Variants in CDH26 observed in about 807,000 individuals in gnomAD.
The protein encoded by CDH26 is cadherin-like protein 26.
A neutral mutation model predicts 90.3 loss-of-function variants in CDH26; 83 were observed. The observed-to-expected ratio is 0.92, with a 90% CI of 0.77 to 1.10. The LOEUF (loss-of-function observed/expected upper bound fraction) is 1.10, where lower values mean the gene tolerates loss of function less well. CDH26 is among the 50% of genes least tolerant of loss of function. CDH26 has a pLI of 0.00. For missense variants in CDH26, 1,013 were observed against 1,037.6 expected (o/e 0.98, Z 0.33); for synonymous variants, 397 against 396.3 (o/e 1.00, Z -0.02).
intron 4 of CDH26, among the ~76,000 whole-genome samples, chr20:59,977,726 G>T (rs1057183871): frequency 1.4e-5 from 2 of 141,758 alleles, no homozygotes; most frequent in Admixed American, 1.5e-4. Flanking sequence ...GTGTGCATTT[G>T]CTATAATGTA....
At chr20:59,962,867 G>A (rs1042807344) in intron 1 of CDH26, among the ~76,000 whole-genome samples, 4 of 152,170 alleles carry the variant, frequency 2.6e-5, no homozygotes, top group African/African-American at 9.7e-5. Context: ...GGAATGAGTA[G>A]GTAAGTGTCT....
At chr20:59,971,887 A>C in intron 3 of CDH26, 75 bp from the exon 4 acceptor site, 1 of 1,241,120 alleles carries the variant, frequency 8.1e-7, no homozygotes, top group Non-Finnish European at 1.1e-6. Context: ...ATTGATTCTT[A>C]GCCTTGATAC....
At chr20:59,980,561 G>A (rs971637562) in intron 4 of CDH26, among the ~76,000 whole-genome samples, 1 of 152,122 alleles carries the variant, frequency 6.6e-6, no homozygotes, top group Non-Finnish European at 1.5e-5. Context: ...GCCTCCCAAA[G>A]TGCTGGGATT....
chr20:60,006,549 C>T (rs991252161), intron 16 of CDH26, among the ~76,000 whole-genome samples, 164 bp from the exon 17 acceptor site: 7 of 152,206 alleles, frequency 4.6e-5, no homozygotes, highest in Admixed American at 3.9e-4. Context: ...TCTCCCCCAA[C>T]ACAAAGAGAG....
In CDH26 at chr20:60,013,053, C is replaced by T. The variant is rs528319930; in HGVS notation, c.*323C>T. 4.9e-6 allele frequency: 1 copy of T among 202,578 alleles called. No individual in the cohort carries two copies. Among genetic ancestry groups the T allele is most frequent in the Non-Finnish European group, 9.9e-6 (1 of 100,688 alleles). The allele number at this position is 202,578 out of a possible 1,614,324, so 12.5% of individuals were successfully genotyped here. A position where few individuals can be genotyped will look rare whatever the true frequency, so the allele number is the denominator to read the frequency against. Reference sequence around the variant, plus strand: ...ATGAAAATATAACCCATAGATTACCCAGCCACTTGGGAACAGCAGGTAATA... The same window carrying T: ...ATGAAAATATAACCCATAGATTACCTAGCCACTTGGGAACAGCAGGTAATA... On this transcript the variant is annotated 3_prime_UTR_variant, in exon 18 of 18. Coordinates refer to ENST00000348616, the MANE Select transcript of CDH26 (RefSeq NM_177980.4).
intron 7 of CDH26, among the ~76,000 whole-genome samples, chr20:60,025,242 C>T (rs1224436450): frequency 6.6e-6 from 1 of 152,200 alleles, no homozygotes; most frequent in African/African-American, 2.4e-5. Context: ...AATAGAAAAC[C>T]ACTGATGCAT....
intron 17 of CDH26, among the ~76,000 whole-genome samples, chr20:60,008,588 C>T (rs536243017): frequency 2.6e-5 from 4 of 152,144 alleles, no homozygotes; most frequent in South Asian, 2.1e-4. Context: ...TGAGCCTGGA[C>T]GTCTCCTGCT....
chr20:59,965,169 C>T (rs2061130572), intron 1 of CDH26, among the ~76,000 whole-genome samples: 1 of 152,148 alleles, frequency 6.6e-6, no homozygotes, highest in South Asian at 2.1e-4. Context: ...GGCCAGGAAA[C>T]AAATATTATC....
chr20:59,994,200 G>T, intron 10 of CDH26, 50 bp from the exon 11 acceptor site: 1 of 1,610,134 alleles, frequency 6.2e-7, no homozygotes, highest in Non-Finnish European at 8.5e-7. Flanking sequence ...ATTCTCCAGA[G>T]CTGTGTGTGC....
At chr20:59,984,550 C>G in intron 5 of CDH26, 89 bp from the exon 6 acceptor site, 2 of 1,034,192 alleles carry the variant, frequency 1.9e-6, no homozygotes, top group Non-Finnish European at 2.9e-6. Context: ...GGTATATGCC[C>G]CAATGCCATT....
At chr20:59,978,578 TG>T (rs1382597680) in intron 4 of CDH26, among the ~76,000 whole-genome samples, 6 of 152,040 alleles carry the variant, frequency 3.9e-5, no homozygotes, top group Non-Finnish European at 8.8e-5. Flanking sequence ...TTCACTACGT[TG>T]GCCAGGCTGG....
chr20:59,989,918 A>G (rs1284190952), intron 9 of CDH26, among the ~76,000 whole-genome samples: 2 of 152,212 alleles, frequency 1.3e-5, no homozygotes, highest in Admixed American at 1.3e-4. Context: ...GGTACGGGTC[A>G]GTGGCATTAA....
chr20:60,002,384 C>G (rs988913308), intron 15 of CDH26, among the ~76,000 whole-genome samples: 8 of 151,788 alleles, frequency 5.3e-5, no homozygotes, highest in African/African-American at 1.9e-4. Flanking sequence ...ACAGGGCCTC[C>G]CACTCTAAAG....
intron 4 of CDH26, among the ~76,000 whole-genome samples, chr20:59,976,226 G>C (rs1175540244): frequency 6.6e-6 from 1 of 152,310 alleles, no homozygotes; most frequent in South Asian, 2.1e-4. Context: ...GCCATGTGAT[G>C]TATCAAGTTA....
chr20:59,979,921 C>T (rs771491338), intron 4 of CDH26, among the ~76,000 whole-genome samples: 5 of 152,144 alleles, frequency 3.3e-5, no homozygotes, highest in Non-Finnish European at 7.4e-5. Context: ...GCAACCATAC[C>T]CAGCCCACAT....
At chr20:59,985,481 CT>C (rs2061446234) in intron 7 of CDH26, among the ~76,000 whole-genome samples, 1 of 152,060 alleles carries the variant, frequency 6.6e-6, no homozygotes, top group African/African-American at 2.4e-5. Context: ...GGGCCACACA[CT>C]TTTAAATGAC....
intron 4 of CDH26, among the ~76,000 whole-genome samples, chr20:59,980,504 G>A (rs1009311474): frequency 2.0e-5 from 3 of 152,002 alleles, no homozygotes; most frequent in South Asian, 2.1e-4. Context: ...TGCCATGTTG[G>A]CCAGGCTGGT....
At chr20:59,960,386 T>C (rs994001406) in intron 1 of CDH26, among the ~76,000 whole-genome samples, 1 of 146,170 alleles carries the variant, frequency 6.8e-6, no homozygotes, top group Non-Finnish European at 1.5e-5. Context: ...TGGAGTTCCT[T>C]ATGTTAAAAC....
At chr20:60,001,161 C>T (rs1235058339) in intron 14 of CDH26, among the ~76,000 whole-genome samples, 182 bp from the exon 15 acceptor site, 1 of 152,202 alleles carries the variant, frequency 6.6e-6, no homozygotes, top group African/African-American at 2.4e-5. Context: ...TTTATCCCTG[C>T]ATTCCCTGCC....
Sources: gnomAD v4.1 joint callset for allele counts (sites outside exome capture counted in the v4.1 genomes callset) on GRCh38, gnomAD v4.1.1 for gene constraint, MANE v1.5 for transcripts, NCBI Gene and HGNC (gene_info 2026-07-23, HGNC 2026-07-21) for gene names.